ST7: variants seen among roughly 807,000 people sequenced by gnomAD.
ST7 encodes suppressor of tumorigenicity 7 protein.
In ST7, 28 loss-of-function variants were observed where a neutral mutation model predicts 78.7. The ratio of observed to expected loss-of-function variants is 0.36; its 90% CI spans 0.26 to 0.49. The LOEUF is 0.49. Among genes scored for constraint, ST7 ranks in the 20% least tolerant of loss-of-function variants. ST7 has a pLI of 0.99. For missense variants in ST7, 418 were observed against 696.0 expected, an observed-to-expected ratio of 0.60 and a Z score of 4.49; for synonymous variants, 247 against 249.6, an observed-to-expected ratio of 0.99 and a Z score of 0.10.
At chr7:117,009,852 C>G (rs1167705598) in intron 1 of ST7, among the ~76,000 whole-genome samples, 2 of 152,050 alleles carry the variant, frequency 1.3e-5, no homozygotes. Flanking sequence ...TCTCTTGAGG[C>G]CACTGTAAGA....
At chr7:117,068,809 TTTAA>T (rs1173961196) in intron 1 of ST7, among the ~76,000 whole-genome samples, 1 of 152,250 alleles carries the variant, frequency 6.6e-6, no homozygotes, top group Admixed American at 6.5e-5. Flanking sequence ...TCTCTGTGTA[TTTAA>T]TTAATATGCC....
At chr7:116,965,406 A>G (rs1447401363) in intron 1 of ST7, among the ~76,000 whole-genome samples, 1 of 151,564 alleles carries the variant, frequency 6.6e-6, no homozygotes, top group Non-Finnish European at 1.5e-5. Flanking sequence ...GAGCCTGTGG[A>G]AGGGTGGGGG....
At chr7:117,116,856 T>G (rs1176944276) in intron 2 of ST7, among the ~76,000 whole-genome samples, 7 of 152,228 alleles carry the variant, frequency 4.6e-5, no homozygotes, top group African/African-American at 1.7e-4. Context: ...AATGTCCAGT[T>G]AATATGAGTC....
intron 2 of ST7, among the ~76,000 whole-genome samples, chr7:117,117,704 G>A (rs1246988513): frequency 6.6e-6 from 1 of 152,186 alleles, no homozygotes; most frequent in Non-Finnish European, 1.5e-5. Context: ...CATGTGAGGT[G>A]TGCTGCCCAT....
chr7:117,192,618 C>T (rs939345735), intron 12 of ST7, among the ~76,000 whole-genome samples: 3 of 152,084 alleles, frequency 2.0e-5, no homozygotes, highest in East Asian at 1.9e-4. Context: ...GTTGGGGGCT[C>T]CTCATATCTA....
intron 1 of ST7, among the ~76,000 whole-genome samples, chr7:117,089,574 G>GTTT (rs1363196802): frequency 7.3e-6 from 1 of 136,730 alleles, no homozygotes; most frequent in African/African-American, 2.7e-5. Flanking sequence ...TTGTTTTTTT[G>GTTT]TTTTTTTTTT....
Position 117,109,219 on chromosome 7 carries a change from T to C in ST7, c.234+9375T>C, listed in dbSNP as rs561565840. 2.6e-5 allele frequency among the ~76,000 whole-genome samples: 4 copies of C among 152,292 alleles called. No homozygotes were observed. In the South Asian group the frequency reaches 6.2e-4, roughly 24 times the overall value. ...CAACTTTTCCTCGTTCAGTATAATG[T>C]TGGCTGGGGGTTTGTCAGAGATGGC... On this transcript the variant is annotated intron_variant, in intron 2 of 15. Transcript: ENST00000323984.
chr7:117,187,605 A>C (rs548052071), intron 10 of ST7: 1 of 152,256 alleles, frequency 6.6e-6, no homozygotes, highest in African/African-American at 2.4e-5. Flanking sequence ...CTGTATTTCT[A>C]TCTGGGTGAA....
chr7:117,081,213 C>T (rs1458641163), intron 1 of ST7: 1 of 152,012 alleles, frequency 6.6e-6, no homozygotes, highest in Admixed American at 6.5e-5. Flanking sequence ...TGGACTTTAA[C>T]ATGTAGAAAC....
At chr7:117,018,877 G>A (rs1795744414) in intron 1 of ST7, among the ~76,000 whole-genome samples, 1 of 152,170 alleles carries the variant, frequency 6.6e-6, no homozygotes, top group East Asian at 1.9e-4. Flanking sequence ...ATCATCAAAT[G>A]TTCTTCTTAA....
intron 1 of ST7, among the ~76,000 whole-genome samples, chr7:117,021,291 A>C (rs573275138): frequency 1.3e-5 from 2 of 152,368 alleles, no homozygotes; most frequent in East Asian, 3.9e-4. Context: ...AGTTGTAGAC[A>C]GCTACAATGG....
At chr7:117,099,074 A>AAAAAAAAAAAAAAAAAG (rs1563080274) in intron 1 of ST7, among the ~76,000 whole-genome samples, 2 of 149,402 alleles carry the variant, frequency 1.3e-5, no homozygotes, top group African/African-American at 2.5e-5. Flanking sequence ...AACAAAAAAA[A>AAAAAAAAAAAAAAAAAG]AAGAAGAAGA....
intron 1 of ST7, among the ~76,000 whole-genome samples, chr7:117,012,240 C>A (rs950016057): frequency 6.6e-6 from 1 of 151,548 alleles, no homozygotes; most frequent in Non-Finnish European, 1.5e-5. Context: ...CTGTTTGGCC[C>A]ACTGTAGATT....
At chr7:117,084,283 T>G (rs771142749) in intron 1 of ST7, among the ~76,000 whole-genome samples, 2 of 152,104 alleles carry the variant, frequency 1.3e-5, no homozygotes, top group Non-Finnish European at 2.9e-5. Flanking sequence ...TTGGGTTAGA[T>G]TGGGTGCTGA....
At chr7:117,038,383 AT>A (rs59679297) in intron 1 of ST7, among the ~76,000 whole-genome samples, 1 of 151,982 alleles carries the variant, frequency 6.6e-6, no homozygotes, top group Non-Finnish European at 1.5e-5. Context: ...GTCTAAAGCA[AT>A]TTTTTTTAAC....
chr7:117,098,765 T>C lies in ST7; in HGVS notation c.152-997T>C, dbSNP rs144106929. On this transcript the variant is annotated intron_variant, in intron 1 of 15. Coordinates refer to ENST00000323984, the MANE Select transcript of ST7 (RefSeq NM_001369598.1). ...TAAAACCAGACTGGATGTGATTCCC[T>C]TCTACAAACAGATTCAGTAAAGAAA... The C allele has an allele frequency of 4.1e-4, 536 of 1,299,510 alleles. 5 individuals carry two copies. The East Asian group carries it at 0.025, about 61-fold the overall frequency. 80.5% of individuals were successfully genotyped at this position (1,299,510 alleles called of 1,614,324 possible).
chr7:117,150,986 C>T (rs1038150786), intron 9 of ST7, among the ~76,000 whole-genome samples: 1 of 152,190 alleles, frequency 6.6e-6, no homozygotes, highest in African/African-American at 2.4e-5. Flanking sequence ...ATGTGCAAGT[C>T]CTCATTGGCT....
chr7:117,071,805 A>G (rs1352409443), intron 1 of ST7, among the ~76,000 whole-genome samples: 1 of 152,250 alleles, frequency 6.6e-6, no homozygotes, highest in African/African-American at 2.4e-5. Flanking sequence ...ACAGAGAAGC[A>G]TTAGAGGCAG....
intron 9 of ST7, among the ~76,000 whole-genome samples, chr7:117,164,579 T>C (rs1807397193): frequency 6.6e-6 from 1 of 152,044 alleles, no homozygotes; most frequent in East Asian, 1.9e-4. Flanking sequence ...ATGGCAGAGG[T>C]TGGATTTTAA....
Sources: allele counts gnomAD v4.1 joint callset (sites outside exome capture counted in the v4.1 genomes callset), GRCh38; gene constraint gnomAD v4.1.1; transcripts MANE v1.5; gene names NCBI Gene and HGNC (gene_info 2026-07-23, HGNC 2026-07-21).